The following TMPRSS6 variants were observed in gnomAD, a reference collection of about 807,000 sequenced individuals.
TMPRSS6 encodes transmembrane protease serine 6.
TMPRSS6 carries 67 observed loss-of-function variants against 101.5 expected under a neutral mutation model. The observed-to-expected ratio is 0.66, with a 90% CI of 0.54 to 0.81. The LOEUF is 0.81. Among genes scored for constraint, TMPRSS6 ranks in the 30% least tolerant of loss-of-function variants. The probability of loss-of-function intolerance (pLI) is 0.00; values close to 1 mark genes in which losing one functional copy is unlikely to be tolerated. For synonymous variants in TMPRSS6, 453 were observed against 464.9 expected (o/e 0.97, Z 0.33); for missense variants, 1,034 against 1,088.7 (o/e 0.95, Z 0.71).
intron 6 of TMPRSS6, among the ~76,000 whole-genome samples, chr22:37,094,147 G>GA (rs1477184060): frequency 2.6e-5 from 4 of 152,230 alleles, no homozygotes; most frequent in Non-Finnish European, 4.4e-5. Flanking sequence ...AAGTCCCCCT[G>GA]AGGCTCTCAG....
At chr22:37,090,077 G>GGAGA (rs1343548549) in intron 6 of TMPRSS6, among the ~76,000 whole-genome samples, 1 of 152,244 alleles carries the variant, frequency 6.6e-6, no homozygotes, top group Non-Finnish European at 1.5e-5. Context: ...ATGACAGCGG[G>GGAGA]GACAGACAGA....
At chr22:37,076,854 T>G (rs912870589) in intron 10 of TMPRSS6, among the ~76,000 whole-genome samples, 4 of 152,152 alleles carry the variant, frequency 2.6e-5, no homozygotes, top group Non-Finnish European at 4.4e-5. Flanking sequence ...AAAATGCCCC[T>G]GGCAGAGAAA....
rs1013899611 is a variant in TMPRSS6 at position 37,069,837 on chromosome 22, G to A, written c.1842-493C>T. Among the ~76,000 whole-genome samples, 2 of 152,226 alleles carry A rather than the reference G, an allele frequency of 1.3e-5. No homozygotes were observed. Among genetic ancestry groups the A allele is most frequent in the African/African-American group, 4.8e-5 (2 of 41,462 alleles). On this transcript the variant is annotated intron_variant, in intron 15 of 17. Transcript: ENST00000676104. This position sits in a 1 kb window ranked among gnomAD's most constrained non-coding sequence, Gnocchi z 4.8. The stretch of plus-strand genomic sequence containing the variant: ...GCGGCAGTCAGCTGCCTGGGTGGCA[G>A]ATGGGCAGCCTTCGGGTCTCTACCC...
rs754457685 is a variant in TMPRSS6, at chr22:37,066,981, A to G, written c.2114-19T>C. On this transcript the variant is annotated intron_variant, in intron 16 of 17. Coordinates refer to ENST00000676104, the MANE Select transcript of TMPRSS6 (RefSeq NM_001374504.1). ...ATGGGGCCTGTCCGTGGTCAAGGGC[A>G]GAAGTGAGATCTCAGGAGCCTGGAG... 1.9e-6 allele frequency: 3 copies of G among 1,614,010 alleles called. No homozygotes were observed.
chr22:37,103,095 A>T lies in TMPRSS6; in HGVS notation c.202+121T>A. ...CCAGAGAACAGAAGTGACTTGCCCAAGGTCACACAGCAATATGCTAAGCAC... is the reference window on the plus strand; with the variant it reads ...CCAGAGAACAGAAGTGACTTGCCCATGGTCACACAGCAATATGCTAAGCAC... On this transcript the variant is annotated intron_variant, in intron 2 of 17. Transcript: ENST00000676104. This position sits in a 1 kb window ranked among gnomAD's most constrained non-coding sequence, Gnocchi z 4.4. 9.5e-7 allele frequency: 1 copy of T among 1,056,686 alleles called. No homozygotes were observed. Among genetic ancestry groups the T allele is most frequent in the Non-Finnish European group, 1.4e-6 (1 of 703,144 alleles). 65.5% of individuals were successfully genotyped at this position (1,056,686 alleles called of 1,614,324 possible). A position where few individuals can be genotyped will look rare whatever the true frequency, so the allele number is the denominator to read the frequency against.
intron 3 of TMPRSS6, 61 bp downstream of exon 3, chr22:37,098,355 C>T: frequency 6.2e-7 from 1 of 1,604,824 alleles, no homozygotes; most frequent in Non-Finnish European, 8.5e-7. Context: ...TGTGATCAGA[C>T]CCCACCCCTC....
intron 2 of TMPRSS6, among the ~76,000 whole-genome samples, chr22:37,102,756 A>G (rs1400216258): frequency 6.6e-6 from 1 of 152,068 alleles, no homozygotes; most frequent in East Asian, 1.9e-4. Flanking sequence ...AGCCTAGAGG[A>G]GAACCTAGGC....
intron 10 of TMPRSS6, among the ~76,000 whole-genome samples, chr22:37,081,560 G>T (rs972945945): frequency 4.6e-5 from 7 of 152,164 alleles, no homozygotes; most frequent in Non-Finnish European, 8.8e-5. Context: ...AGACAAGGAA[G>T]GGGGTGCATC....
intron 16 of TMPRSS6, among the ~76,000 whole-genome samples, chr22:37,067,906 C>G (rs534061014): frequency 7.7e-4 from 44 of 56,806 alleles, no homozygotes; most frequent in African/African-American, 5.4e-3. Flanking sequence ...GCCTGCCCCC[C>G]ACCTCAGCCC....
chr22:37,084,309 C>G lies in TMPRSS6; in HGVS notation c.1182G>C (p.Thr394=), dbSNP rs753807976. The stretch of plus-strand genomic sequence containing the variant: ...GGAAGTGGTACCTCCTGTTCTGGAT[C>G]GTCCACTGGCCCTGGGTGCACGGCA... ...YDLPCTQGQW[T]IQNRRLCGLR... The change falls in exon 10 of 18, where the codon ACG becomes ACC. Residue 394 remains threonine (T), a synonymous_variant. Transcript: ENST00000676104. 2 of 1,613,404 alleles carry G rather than the reference C, an allele frequency of 1.2e-6. No individual in the cohort carries two copies. Among genetic ancestry groups the G allele is most frequent in the South Asian group, 1.1e-5 (1 of 90,934 alleles).
At chr22:37,072,819 G>A (rs1487369864) in intron 13 of TMPRSS6, among the ~76,000 whole-genome samples, 1 of 139,980 alleles carries the variant, frequency 7.1e-6, no homozygotes, top group Admixed American at 7.1e-5. Flanking sequence ...GATGGATGAT[G>A]GATGGATGGA....
At chr22:37,084,626 T>C (rs373438649) in intron 9 of TMPRSS6, 101 bp downstream of exon 9, 2 of 1,100,912 alleles carry the variant, frequency 1.8e-6, no homozygotes, top group South Asian at 1.4e-5. Flanking sequence ...CTGTGGGCGC[T>C]TCAGCAGAGG....
rs1927148414 is a variant in TMPRSS6 at position 37,072,580 on chromosome 22, A to G, written c.1555+952T>C. ...TGGATGATGGATGGATGGATGGATG[A>G]TGGATGGATGGATGATGGATGGATG... is the stretch of plus-strand genomic sequence containing the variant. On this transcript the variant is annotated intron_variant, in intron 13 of 17. Transcript: ENST00000676104. 5.3e-5 allele frequency among the ~76,000 whole-genome samples: 6 copies of G among 114,032 alleles called. No individual in the cohort carries two copies. In the South Asian group the frequency reaches 1.7e-3, roughly 33 times the overall value. The allele number at this position is 114,032 out of a possible 152,430, so 74.8% of individuals were successfully genotyped here.
intron 8 of TMPRSS6, among the ~76,000 whole-genome samples, chr22:37,085,268 C>T (rs966531115): frequency 1.3e-5 from 2 of 152,028 alleles, no homozygotes; most frequent in Non-Finnish European, 2.9e-5. Flanking sequence ...GCTGAGGGGT[C>T]CAGGGGTCAG....
Position 37,109,631 on chromosome 22 carries a change from G to A in TMPRSS6, c.-130C>T, listed in dbSNP as rs893469180. 2.0e-5 allele frequency: 3 copies of A among 152,286 alleles called. No individual in the cohort carries two copies. Among genetic ancestry groups the A allele is most frequent in the Middle Eastern group, 3.1e-3 (1 of 322 alleles). 9.4% of individuals were successfully genotyped at this position (152,286 alleles called of 1,614,324 possible). Reference sequence around the variant, plus strand: ...ATCAATGGCCTAGAGCCATGACCAGGGTGTCTGGCCCTTGTCCCCTGTGGC... The same window carrying A: ...ATCAATGGCCTAGAGCCATGACCAGAGTGTCTGGCCCTTGTCCCCTGTGGC... On this transcript the variant is annotated 5_prime_UTR_variant, in exon 1 of 18. Transcript: ENST00000676104.
intron 7 of TMPRSS6, among the ~76,000 whole-genome samples, chr22:37,087,193 C>G (rs1428092482): frequency 6.6e-6 from 1 of 152,182 alleles, no homozygotes; most frequent in Non-Finnish European, 1.5e-5. Flanking sequence ...CAACCTCCCC[C>G]AAACTTCCCA....
Position 37,089,774 on chromosome 22 carries a change from G to T in TMPRSS6, c.640C>A (p.Arg214Ser), listed in dbSNP as rs770712602. The change falls in exon 7 of 18, where the codon CGC becomes AGC. Residue 214 changes from arginine to serine, a missense_variant. Arg to Ser is a moderately radical substitution (Grantham distance 110, BLOSUM62 -1). Transcript: ENST00000676104. Reference sequence around the variant, plus strand: ...TGGCCCTGGCCCACGTAGCTGTAGCGGTAACAACCTGGAGCGGGGAGAGGG... The same window carrying T: ...TGGCCCTGGCCCACGTAGCTGTAGCTGTAACAACCTGGAGCGGGGAGAGGG... The part of the protein sequence containing the change: ...AALNSTLGCY[R>S]YSYVGQGQVL... The T allele has an allele frequency of 6.2e-7, 1 of 1,612,088 alleles. No homozygotes were observed. The highest frequency in any genetic ancestry group is 8.5e-7 in the Non-Finnish European group (1 of 1,179,626).
At chr22:37,097,039 C>T (rs1929826899) in intron 3 of TMPRSS6, among the ~76,000 whole-genome samples, 2 of 152,354 alleles carry the variant, frequency 1.3e-5, no homozygotes, top group Admixed American at 1.3e-4. Context: ...TCTGCACCTC[C>T]TCCCATGGCC....
intron 7 of TMPRSS6, 28 bp downstream of exon 7, chr22:37,089,550 C>T (rs761287270): frequency 1.4e-6 from 2 of 1,383,750 alleles, no homozygotes; most frequent in African/African-American, 1.5e-5. Flanking sequence ...TCCAGCCCTC[C>T]CTCCTGCCCT....
Sources: allele counts gnomAD v4.1 joint callset (sites outside exome capture counted in the v4.1 genomes callset), GRCh38; gene constraint gnomAD v4.1.1; non-coding constraint Gnocchi (gnomAD v3.1); transcripts MANE v1.5; gene names NCBI Gene and HGNC (gene_info 2026-07-23, HGNC 2026-07-21).